The following RESP18 variants were observed in gnomAD, a reference collection of about 807,000 sequenced individuals.
RESP18 encodes the protein regulated endocrine specific protein 18, also known as regulated endocrine-specific protein 18.
In RESP18, 30 loss-of-function variants were observed where a neutral mutation model predicts 30.0. The ratio of observed to expected loss-of-function variants is 1.00; its 90% CI spans 0.75 to 1.36. The LOEUF is 1.36. Ranked by LOEUF, RESP18 falls within the 40% of genes most tolerant of loss-of-function variation. RESP18 has a pLI of 0.00. For synonymous variants in RESP18, 117 were observed against 111.2 expected (o/e 1.05, Z -0.33); for missense variants, 320 against 284.2 (o/e 1.13, Z -0.91).
chr2:219,329,748 A>T lies in RESP18; in HGVS notation c.354T>A (p.Asp118Glu). Residue 118 changes from aspartate (D) to glutamate (E), a missense_variant, in exon 4 of 7, where the codon GAT becomes GAA. Coordinates refer to ENST00000333527, the MANE Select transcript of RESP18 (RefSeq NM_001007089.4). ...GGATCATTGCATCCTGGGTGATGTC[A>T]TCCTTCCAGAACAGACCTGCAGGAT... The T allele has an allele frequency of 6.4e-7, 1 of 1,551,688 alleles. No homozygotes were observed. The highest frequency in any genetic ancestry group is 1.4e-5 in the African/African-American group (1 of 73,168).
At chr2:219,332,864 C>A (rs1952847350) in intron 1 of RESP18, 120 bp from the exon 1 acceptor site, 2 of 820,194 alleles carry the variant, frequency 2.4e-6, no homozygotes. Context: ...CGGCTCCTTT[C>A]GGGCATTAGC....
chr2:219,330,884 A>G lies in RESP18; in HGVS notation c.233-9T>C. ...TACTTGGTCCTGACCATCTAAGGGCAAAATAGTGGTGTCAGCAAGGAACCT... is the reference window on the plus strand; with the variant it reads ...TACTTGGTCCTGACCATCTAAGGGCGAAATAGTGGTGTCAGCAAGGAACCT... On this transcript the variant is annotated splice_polypyrimidine_tract_variant and intron_variant, in intron 2 of 6. Transcript: ENST00000333527. 4.6e-6 allele frequency: 7 copies of G among 1,523,502 alleles called. No individual in the cohort carries two copies. The highest frequency in any genetic ancestry group is 6.2e-6 in the Non-Finnish European group (7 of 1,121,298). The allele number at this position is 1,523,502 out of a possible 1,614,324, so 94.4% of individuals were successfully genotyped here.
At chr2:219,328,849 G>A in intron 6 of RESP18, 75 bp downstream of exon 5, 1 of 862,972 alleles carries the variant, frequency 1.2e-6, no homozygotes, top group African/African-American at 1.7e-5. Context: ...TATATACAAG[G>A]GCATATATGG....
Position 219,329,245 on chromosome 2 carries a change from A to G in RESP18, c.473T>C (p.Leu158Pro), listed in dbSNP as rs1952805137. ...GCACTGATCCCTGTTCACCTTGGCCAGGGGGCTCTGTGAGGAGGGAAACCA... is the reference window on the plus strand; with the variant it reads ...GCACTGATCCCTGTTCACCTTGGCCGGGGGGCTCTGTGAGGAGGGAAACCA... Residue 158 changes from leucine to proline, a missense_variant, in exon 5 of 7, where the codon CTG becomes CCG. Coordinates refer to ENST00000333527, the MANE Select transcript of RESP18 (RefSeq NM_001007089.4). The G allele has an allele frequency of 6.4e-7, 1 of 1,551,688 alleles. No homozygotes were observed.
chr2:219,331,064 AAC>A, intron 2 of RESP18, 189 bp from the exon 2 acceptor site: 1 of 553,424 alleles, frequency 1.8e-6, no homozygotes, highest in Non-Finnish European at 3.2e-6. Flanking sequence ...CATATTCTTC[AAC>A]CCCTGGGCCT....
rs1260457384 is a variant in RESP18, at chr2:219,330,858, C to T, written c.250G>A (p.Gly84Arg). 2.6e-6 allele frequency: 4 copies of T among 1,551,212 alleles called. No individual in the cohort carries two copies. In the East Asian group the frequency reaches 9.8e-5, roughly 38 times the overall value. The change falls in exon 3 of 7, where the codon GGA becomes AGA. Residue 84 changes from glycine (G) to arginine (R), a missense_variant. Transcript: ENST00000333527. ...TGGAGGGGCCAAAGCTGCCCCACTC[C>T]TACTTGGTCCTGACCATCTAAGGGC... is the stretch of plus-strand genomic sequence containing the variant.
At position 219,329,243 on chromosome 2, in the gene RESP18, C is replaced by T. The variant is rs1381983996; in HGVS notation, c.475G>A (p.Ala159Thr). The T allele has an allele frequency of 1.9e-6, 3 of 1,551,484 alleles. No homozygotes were observed. Among genetic ancestry groups the T allele is most frequent in the South Asian group, 1.2e-5 (1 of 84,066 alleles). ...AAGCACTGATCCCTGTTCACCTTGG[C>T]CAGGGGGCTCTGTGAGGAGGGAAAC... Residue 159 changes from alanine (A) to threonine (T), a missense_variant, in exon 5 of 7, where the codon GCC (alanine) becomes ACC (threonine). Coordinates refer to ENST00000333527, the MANE Select transcript of RESP18 (RefSeq NM_001007089.4).
chr2:219,331,974 G>A (rs1234402617), intron 2 of RESP18, among the ~76,000 whole-genome samples: 3 of 152,226 alleles, frequency 2.0e-5, no homozygotes, highest in Admixed American at 2.0e-4. Context: ...TTCCCCATGC[G>A]CTCTGCGCAG....
chr2:219,329,778 G>A lies in RESP18; in HGVS notation c.338-14C>T. ...TCCAGAACAGACCTGCAGGATGAAA[G>A]GATGGGGGGTGAGTTGACACCTGAG... On this transcript the variant is annotated splice_polypyrimidine_tract_variant and intron_variant, in intron 3 of 6. Transcript: ENST00000333527. 2 of 1,548,734 alleles carry A rather than the reference G, an allele frequency of 1.3e-6. No individual in the cohort carries two copies. Among genetic ancestry groups the A allele is most frequent in the African/African-American group, 1.4e-5 (1 of 73,090 alleles).
rs1361368477 is a variant in RESP18, at chr2:219,329,780, A to T, written c.338-16T>A. 10 of 1,548,394 alleles carry T rather than the reference A, an allele frequency of 6.5e-6. No individual in the cohort carries two copies. Among genetic ancestry groups the T allele is most frequent in the Non-Finnish European group, 7.0e-6 (8 of 1,144,572 alleles). ...CAGAACAGACCTGCAGGATGAAAGG[A>T]TGGGGGGTGAGTTGACACCTGAGAC... On this transcript the variant is annotated splice_polypyrimidine_tract_variant and intron_variant, in intron 3 of 6. Transcript: ENST00000333527.
intron 6 of RESP18, among the ~76,000 whole-genome samples, chr2:219,328,256 CCT>C (rs1230927594): frequency 1.3e-5 from 2 of 152,294 alleles, no homozygotes; most frequent in African/African-American, 4.8e-5. Context: ...TCTGTGAGCC[CCT>C]GTGTGGTCAG....
chr2:219,328,870 G>A (rs950264826), intron 6 of RESP18, 54 bp downstream of exon 5: 21 of 1,177,774 alleles, frequency 1.8e-5, no homozygotes, highest in Admixed American at 4.2e-5. Context: ...CAAAAAGGAC[G>A]TTTAATTTTG....
At chr2:219,331,169 A>T in intron 2 of RESP18, 1 of 279,300 alleles carries the variant, frequency 3.6e-6, no homozygotes, top group South Asian at 5.7e-5. Flanking sequence ...AGCTGAGCAC[A>T]TGGGAATAGT....
In RESP18 at chr2:219,329,036, C is replaced by G. The variant is rs780926624; in HGVS notation, c.556-28G>C. Reference sequence around the variant, plus strand: ...GAGAGATACAGGAAATTAGAAGTACCTTTGATTAGGAATGGAAAAATCTTT... The same window carrying G: ...GAGAGATACAGGAAATTAGAAGTACGTTTGATTAGGAATGGAAAAATCTTT... On this transcript the variant is annotated intron_variant, in intron 5 of 6. Coordinates refer to ENST00000333527, the MANE Select transcript of RESP18 (RefSeq NM_001007089.4). 7 of 1,523,638 alleles carry G rather than the reference C, an allele frequency of 4.6e-6. No individual in the cohort carries two copies. The African/African-American group carries it at 9.7e-5, about 21-fold the overall frequency. The allele number at this position is 1,523,638 out of a possible 1,614,324, so 94.4% of individuals were successfully genotyped here.
At chr2:219,333,101 A>G in intron 1 of RESP18, 2 of 708,926 alleles carry the variant, frequency 2.8e-6, no homozygotes, top group Non-Finnish European at 3.6e-6. Flanking sequence ...TCGATCTGCT[A>G]TATATATATA....
At position 219,332,654 on chromosome 2, in the gene RESP18, C is replaced by T. The variant is rs920807523; in HGVS notation, c.102G>A (p.Gly34=). Reference sequence around the variant, plus strand: ...TCCTCCCAGGCTCGGCGCGCTCACTCCCCGGCCAAGTCTCAGTGAAGGTAG... The same window carrying T: ...TCCTCCCAGGCTCGGCGCGCTCACTTCCCGGCCAAGTCTCAGTGAAGGTAG... The change falls in exon 2 of 7, where the codon GGG becomes GGA. Residue 34 remains glycine, a synonymous_variant. Transcript: ENST00000333527. 1.9e-5 allele frequency: 30 copies of T among 1,551,318 alleles called. No individual in the cohort carries two copies. The highest frequency in any genetic ancestry group is 4.1e-5 in the African/African-American group (3 of 73,162).
intron 6 of RESP18, 127 bp downstream of exon 5, chr2:219,328,797 G>A (rs1470927661): frequency 3.1e-6 from 2 of 643,120 alleles, no homozygotes; most frequent in African/African-American, 1.8e-5. Flanking sequence ...GGGTCTCTGA[G>A]CTGCACCTCC....
chr2:219,330,754 C>A lies in RESP18; in HGVS notation c.337+17G>T. 3 of 1,509,710 alleles carry A rather than the reference C, an allele frequency of 2.0e-6. No homozygotes were observed. Among genetic ancestry groups the A allele is most frequent in the Non-Finnish European group, 2.7e-6 (3 of 1,110,132 alleles). 93.5% of individuals were successfully genotyped at this position (1,509,710 alleles called of 1,614,324 possible). On this transcript the variant is annotated intron_variant, in intron 3 of 6. Coordinates refer to ENST00000333527, the MANE Select transcript of RESP18 (RefSeq NM_001007089.4). ...CTCTAACCAGGCCCCAACCTCTGTTCTCCAGCTTTTACTTACCTTGGGGTA... is the reference window on the plus strand; with the variant it reads ...CTCTAACCAGGCCCCAACCTCTGTTATCCAGCTTTTACTTACCTTGGGGTA...
intron 6 of RESP18, among the ~76,000 whole-genome samples, 153 bp downstream of exon 5, chr2:219,328,771 G>C (rs947976356): frequency 3.3e-5 from 5 of 152,182 alleles, no homozygotes; most frequent in Admixed American, 6.5e-5. Context: ...TAGAGCAAGG[G>C]GGAGGCTGAA....
Sources: allele counts gnomAD v4.1 joint callset (sites outside exome capture counted in the v4.1 genomes callset), GRCh38; gene constraint gnomAD v4.1.1; transcripts MANE v1.5; gene names NCBI Gene and HGNC (gene_info 2026-07-23, HGNC 2026-07-21).